SNX24: variants seen among roughly 807,000 people sequenced by gnomAD.
SNX24 encodes the protein sorting nexin 24, also known as sorting nexin-24.
A neutral mutation model predicts 28.7 loss-of-function variants in SNX24; 22 were observed. The ratio of observed to expected loss-of-function variants is 0.77; its 90% CI spans 0.55 to 1.10. The LOEUF (loss-of-function observed/expected upper bound fraction) is 1.10. Among genes scored for constraint, SNX24 ranks in the 50% least tolerant of loss-of-function variants. SNX24 has a pLI of 0.00. For missense variants in SNX24, 221 were observed against 201.1 expected, an observed-to-expected ratio of 1.10 and a Z score of -0.60; for synonymous variants, 69 against 71.5, an observed-to-expected ratio of 0.96 and a Z score of 0.18.
At chr5:122,990,101 A>G (rs958707588) in intron 3 of SNX24, among the ~76,000 whole-genome samples, 3 of 152,192 alleles carry the variant, frequency 2.0e-5, no homozygotes, top group African/African-American at 4.8e-5. Context: ...TTTATAGCCT[A>G]TGAGCCATCT....
chr5:122,881,423 T>A (rs1316940322), intron 1 of SNX24, among the ~76,000 whole-genome samples: 1 of 152,142 alleles, frequency 6.6e-6, no homozygotes, highest in Non-Finnish European at 1.5e-5. Flanking sequence ...ATCAGCAGCA[T>A]TGGTGAGAGT....
chr5:122,970,689 C>T (rs1760922285), intron 3 of SNX24, among the ~76,000 whole-genome samples: 1 of 152,150 alleles, frequency 6.6e-6, no homozygotes, highest in Non-Finnish European at 1.5e-5. Flanking sequence ...AGGATGGCCT[C>T]CATCTCCTGA....
chr5:122,946,573 T>C (rs1581783387), intron 3 of SNX24, among the ~76,000 whole-genome samples: 1 of 152,122 alleles, frequency 6.6e-6, no homozygotes, highest in Admixed American at 6.6e-5. Context: ...GCCTGGCTAG[T>C]GTATCTTTGG....
chr5:123,022,183 C>CAAAG (rs1446677562), intron 5 of SNX24: 2 of 152,180 alleles, frequency 1.3e-5, no homozygotes, highest in African/African-American at 4.8e-5. Flanking sequence ...CTTGGCAGAT[C>CAAAG]AAAGACCCTC....
chr5:122,911,279 G>A (rs1463298884), intron 1 of SNX24, among the ~76,000 whole-genome samples: 1 of 152,148 alleles, frequency 6.6e-6, no homozygotes, highest in African/African-American at 2.4e-5. Flanking sequence ...TTTGAGATGT[G>A]TCTGTTCATA....
At chr5:122,888,022 G>T (rs1395834402) in intron 1 of SNX24, among the ~76,000 whole-genome samples, 8 of 152,142 alleles carry the variant, frequency 5.3e-5, no homozygotes, top group Non-Finnish European at 8.8e-5. Flanking sequence ...AAATATATAG[G>T]ATTTTTATTT....
intron 1 of SNX24, among the ~76,000 whole-genome samples, chr5:122,894,715 CTGG>C (rs1757125897): frequency 6.6e-6 from 1 of 152,144 alleles, no homozygotes; most frequent in Non-Finnish European, 1.5e-5. Flanking sequence ...CTTACTGCTT[CTGG>C]TAAGGGATGG....
chr5:122,867,516 G>A (rs1755774904), intron 1 of SNX24, among the ~76,000 whole-genome samples: 1 of 152,084 alleles, frequency 6.6e-6, no homozygotes, highest in Non-Finnish European at 1.5e-5. Flanking sequence ...CTCTGCTCCT[G>A]GCAGATTGGG....
intron 5 of SNX24, among the ~76,000 whole-genome samples, chr5:123,017,111 A>G (rs1762692613): frequency 6.6e-6 from 1 of 152,066 alleles, no homozygotes; most frequent in Non-Finnish European, 1.5e-5. Flanking sequence ...CTCAGTCAAT[A>G]CATCATACTG....
At chr5:123,005,959 T>A (rs7716700) in intron 6 of SNX24, among the ~76,000 whole-genome samples, 48,843 of 152,028 alleles carry the variant, frequency 0.32, 8,613 homozygotes, top group Admixed American at 0.38. Context: ...GTATTAGAGA[T>A]TTTCTAAGAT....
chr5:122,920,632 A>G (rs969956521), intron 1 of SNX24, among the ~76,000 whole-genome samples: 1 of 152,236 alleles, frequency 6.6e-6, no homozygotes, highest in African/African-American at 2.4e-5. Context: ...CAATCTGGTC[A>G]ACCCCATCAA....
rs1758075629 is a variant in SNX24 at position 122,914,618 on chromosome 5, G to T, written c.61-22116G>T. ...AGAGATTCAACTTCTTCCTGGTTTA[G>T]TCTTGGGAGAGTGTATGTGTCGAGG... On this transcript the variant is annotated intron_variant, in intron 1 of 6. Coordinates refer to ENST00000261369, the MANE Select transcript of SNX24 (RefSeq NM_014035.4). 5.3e-5 allele frequency among the ~76,000 whole-genome samples: 8 copies of T among 150,764 alleles called. 1 individual carries two copies. In the South Asian group the frequency reaches 1.1e-3, roughly 20 times the overall value.
At chr5:122,891,318 T>TA (rs547383487) in intron 1 of SNX24, among the ~76,000 whole-genome samples, 17 of 152,162 alleles carry the variant, frequency 1.1e-4, no homozygotes, top group Non-Finnish European at 1.9e-4. Context: ...AGCTAAGTGT[T>TA]AAATTAAAAA....
rs1165418770 is a variant in SNX24 at position 122,992,899 on chromosome 5, A to C, written c.250-7013A>C. Among the ~76,000 whole-genome samples, 5 of 151,836 alleles carry C rather than the reference A, an allele frequency of 3.3e-5. No homozygotes were observed. The East Asian group carries it at 9.6e-4, about 29-fold the overall frequency. ...ATTAAAATAGCTCCAAAGACTATTGATTTTCCAATTTCTTTTGTTCCCTGG... is the reference window on the plus strand; with the variant it reads ...ATTAAAATAGCTCCAAAGACTATTGCTTTTCCAATTTCTTTTGTTCCCTGG... On this transcript the variant is annotated intron_variant, in intron 3 of 6. Coordinates refer to ENST00000261369, the MANE Select transcript of SNX24 (RefSeq NM_014035.4).
At position 122,999,956 on chromosome 5, in the gene SNX24, T is replaced by G. The variant is rs147890411; in HGVS notation, c.294T>G (p.Asp98Glu). 87 of 1,613,636 alleles carry G rather than the reference T, an allele frequency of 5.4e-5. No individual in the cohort carries two copies. The highest frequency in any genetic ancestry group is 1.6e-4 in the Middle Eastern group (1 of 6,082). The stretch of plus-strand genomic sequence containing the variant: ...AAGAACTTCCCAAACTGTTTCTTGA[T>G]TTCCTAAATGTGCGACACTTGCCCT... ...ENEELPKLFL[D>E]FLNVRHLPSL... The change falls in exon 4 of 7, where the codon GAT (aspartate) becomes GAG (glutamate). Residue 98 changes from aspartate (D) to glutamate (E), a missense_variant. Transcript: ENST00000261369.
chr5:122,984,601 A>C (rs1761519142), intron 3 of SNX24, among the ~76,000 whole-genome samples: 1 of 152,226 alleles, frequency 6.6e-6, no homozygotes. Flanking sequence ...AAACAAGAAA[A>C]GTTATCGCAG....
intron 1 of SNX24, 117 bp downstream of exon 1, chr5:122,845,810 C>T (rs1424484351): frequency 1.2e-5 from 6 of 495,096 alleles, no homozygotes; most frequent in Middle Eastern, 5.5e-4. Context: ...TTTTCTCTCC[C>T]CTCCCCCGGC....
At chr5:123,019,019 T>TCTTA (rs70988554) in intron 5 of SNX24, among the ~76,000 whole-genome samples, 37,526 of 151,972 alleles carry the variant, frequency 0.25, 5,531 homozygotes, top group Non-Finnish European at 0.35. Flanking sequence ...TTGTATTAAC[T>TCTTA]CTATTTGTCA....
chr5:123,028,877 AT>A (rs1274815268), intron 5 of SNX24: 16 of 1,583,870 alleles, frequency 1.0e-5, no homozygotes, highest in Non-Finnish European at 1.4e-5. Context: ...TTCTAAAGAG[AT>A]TACTTCAGTT....
Sources: gnomAD v4.1 joint callset for allele counts (sites outside exome capture counted in the v4.1 genomes callset) on GRCh38, gnomAD v4.1.1 for gene constraint, MANE v1.5 for transcripts, NCBI Gene and HGNC (gene_info 2026-07-23, HGNC 2026-07-21) for gene names.